PRKG2: variants seen among roughly 807,000 people sequenced by gnomAD.
PRKG2 encodes the protein protein kinase cGMP-dependent 2.
PRKG2 carries 33 observed loss-of-function variants against 97.2 expected under a neutral mutation model. The ratio of observed to expected loss-of-function variants is 0.34; its 90% CI spans 0.26 to 0.45. PRKG2 has a LOEUF of 0.45. PRKG2 is among the 20% of genes least tolerant of loss of function. PRKG2 has a pLI of 1.00. For synonymous variants in PRKG2, 330 were observed against 321.8 expected (o/e 1.03, Z -0.27); for missense variants, 638 against 900.0 (o/e 0.71, Z 3.73).
intron 15 of PRKG2, among the ~76,000 whole-genome samples, chr4:81,108,888 C>T (rs1578351638): frequency 6.6e-6 from 1 of 152,104 alleles, no homozygotes; most frequent in East Asian, 1.9e-4. Context: ...CAGAGTGACA[C>T]CGTGTCTCAA....
At chr4:81,107,805 C>T (rs930988666) in intron 15 of PRKG2, among the ~76,000 whole-genome samples, 2 of 152,112 alleles carry the variant, frequency 1.3e-5, no homozygotes, top group African/African-American at 4.8e-5. Flanking sequence ...GTCACAACAC[C>T]CACCCGAGAG....
chr4:81,124,208 CT>C (rs1164111085), intron 14 of PRKG2, among the ~76,000 whole-genome samples: 1 of 152,088 alleles, frequency 6.6e-6, no homozygotes, highest in South Asian at 2.1e-4. Flanking sequence ...TTTTCATTTA[CT>C]TTTTTTCAGA....
intron 1 of PRKG2, among the ~76,000 whole-genome samples, chr4:81,209,833 G>A (rs762821439): frequency 1.3e-5 from 2 of 151,904 alleles, no homozygotes; most frequent in African/African-American, 2.4e-5. Context: ...ATAAAGTAAC[G>A]GTAATCAATA....
At chr4:81,110,337 C>A (rs1293414127) in intron 15 of PRKG2, 111 bp downstream of exon 15, 2 of 1,191,460 alleles carry the variant, frequency 1.7e-6, no homozygotes, top group East Asian at 2.5e-5. Flanking sequence ...CATACTTAAT[C>A]GAAAACATTT....
chr4:81,134,040 C>T (rs528995325), intron 14 of PRKG2, among the ~76,000 whole-genome samples: 3 of 152,144 alleles, frequency 2.0e-5, no homozygotes, highest in Admixed American at 2.0e-4. Flanking sequence ...TGTGTTAGTA[C>T]CTCACCAGTT....
chr4:81,191,436 G>A (rs1174748504), intron 2 of PRKG2, among the ~76,000 whole-genome samples: 2 of 151,518 alleles, frequency 1.3e-5, no homozygotes, highest in Admixed American at 6.6e-5. Flanking sequence ...CCTGTCAGGG[G>A]GTTGGGGGCT....
At chr4:81,140,813 A>G in intron 11 of PRKG2, 144 bp from the exon 12 acceptor site, 1 of 587,200 alleles carries the variant, frequency 1.7e-6, no homozygotes, top group Non-Finnish European at 2.8e-6. Context: ...ATTCAAGTGT[A>G]CACACTTCCC....
chr4:81,187,966 G>T (rs1436350293), intron 2 of PRKG2, among the ~76,000 whole-genome samples: 2 of 152,034 alleles, frequency 1.3e-5, no homozygotes, highest in African/African-American at 4.8e-5. Flanking sequence ...GCATGGGCAA[G>T]GACTTCATGT....
chr4:81,111,424 T>TA (rs1320101141), intron 14 of PRKG2, among the ~76,000 whole-genome samples: 7 of 145,942 alleles, frequency 4.8e-5, no homozygotes, highest in Non-Finnish European at 8.8e-5. Flanking sequence ...TTATACATGA[T>TA]TAATATTATA....
At chr4:81,091,417 G>A (rs1251500304) in intron 18 of PRKG2, among the ~76,000 whole-genome samples, 1 of 151,978 alleles carries the variant, frequency 6.6e-6, no homozygotes, top group Admixed American at 6.6e-5. Flanking sequence ...TGAGTAGCTG[G>A]GATGACAGGT....
intron 2 of PRKG2, among the ~76,000 whole-genome samples, chr4:81,194,328 A>C (rs934540500): frequency 2.6e-5 from 4 of 152,082 alleles, no homozygotes; most frequent in African/African-American, 4.8e-5. Context: ...CTAATAAACA[A>C]GGCACATTTA....
intron 2 of PRKG2, among the ~76,000 whole-genome samples, chr4:81,186,036 G>A (rs1482009854): frequency 2.0e-5 from 3 of 151,902 alleles, no homozygotes; most frequent in African/African-American, 2.4e-5. Flanking sequence ...AGACTTCAAC[G>A]CCCCACTGTC....
intron 13 of PRKG2, among the ~76,000 whole-genome samples, chr4:81,136,382 T>C (rs767680114): frequency 1.3e-5 from 2 of 152,220 alleles, no homozygotes; most frequent in African/African-American, 2.4e-5. Context: ...ATTTTTACTT[T>C]GTAAAAGCTT....
intron 12 of PRKG2, among the ~76,000 whole-genome samples, chr4:81,139,433 C>CATATAT (rs375727492): frequency 6.6e-6 from 1 of 151,992 alleles, no homozygotes; most frequent in African/African-American, 2.4e-5. Flanking sequence ...CTCAAACACA[C>CATATAT]ATATATATAT....
upstream of PRKG2, among the ~76,000 whole-genome samples, chr4:81,216,105 G>T (rs1219681162): frequency 3.3e-5 from 5 of 152,118 alleles, no homozygotes; most frequent in African/African-American, 1.2e-4. Flanking sequence ...TGTGCATCTA[G>T]AGAATGTTAC....
intron 6 of PRKG2, among the ~76,000 whole-genome samples, chr4:81,156,301 T>G (rs1268728395): frequency 6.6e-6 from 1 of 151,998 alleles, no homozygotes; most frequent in Non-Finnish European, 1.5e-5. Flanking sequence ...TAAAACAGAC[T>G]TTAAACCGAC....
chr4:81,192,008 T>C (rs1339253849), intron 2 of PRKG2, among the ~76,000 whole-genome samples: 1 of 152,184 alleles, frequency 6.6e-6, no homozygotes, highest in African/African-American at 2.4e-5. Flanking sequence ...ACAAGACATG[T>C]ACAAAAATGT....
At chr4:81,097,223 C>T (rs1480537864) in intron 17 of PRKG2, among the ~76,000 whole-genome samples, 1 of 152,032 alleles carries the variant, frequency 6.6e-6, no homozygotes, top group African/African-American at 2.4e-5. Flanking sequence ...TGTTAACAGC[C>T]ATGAAAATAT....
Position 81,089,600 on chromosome 4 carries a change from T to C in PRKG2, c.*108A>G, listed in dbSNP as rs1346094044. ...TTGTGCAGGAATTTCTTTTCCCTAA[T>C]GGTCTTCCAAAGATATTATAATACT... On this transcript the variant is annotated 3_prime_UTR_variant, in exon 19 of 19. Transcript: ENST00000264399. 3 of 799,448 alleles carry C rather than the reference T, an allele frequency of 3.8e-6. No homozygotes were observed. The highest frequency in any genetic ancestry group is 5.9e-6 in the Non-Finnish European group (3 of 508,488). The allele number at this position is 799,448 out of a possible 1,614,324, so 49.5% of individuals were successfully genotyped here. A position where few individuals can be genotyped will look rare whatever the true frequency, so the allele number is the denominator to read the frequency against.
Sources: gnomAD v4.1 joint callset for allele counts (sites outside exome capture counted in the v4.1 genomes callset) on GRCh38, gnomAD v4.1.1 for gene constraint, MANE v1.5 for transcripts, NCBI Gene and HGNC (gene_info 2026-07-23, HGNC 2026-07-21) for gene names.